Variants in HAUS2 observed in about 807,000 individuals in gnomAD.
HAUS2 encodes HAUS augmin like complex subunit 2, also known as HAUS augmin-like complex subunit 2.
Under a neutral mutation model 21.6 loss-of-function variants are expected in HAUS2, and 20 were observed. The observed-to-expected ratio is 0.93, with a 90% CI of 0.65 to 1.35. HAUS2 has a LOEUF of 1.35. Ranked by LOEUF, HAUS2 falls within the 40% of genes most tolerant of loss-of-function variation. HAUS2 has a pLI of 0.00. For synonymous variants in HAUS2, 113 were observed against 95.6 expected, an observed-to-expected ratio of 1.18 and a Z score of -1.06; for missense variants, 297 against 280.7, an observed-to-expected ratio of 1.06 and a Z score of -0.42.
intron 1 of HAUS2, among the ~76,000 whole-genome samples, chr15:42,557,660 AG>A (rs1382317446): frequency 6.6e-6 from 1 of 151,586 alleles, no homozygotes; most frequent in Non-Finnish European, 1.5e-5. Context: ...ATGAAAAAGA[AG>A]GGGTAACCTT....
intron 1 of HAUS2, among the ~76,000 whole-genome samples, chr15:42,550,099 G>A (rs1180907588): frequency 6.6e-6 from 1 of 152,052 alleles, no homozygotes; most frequent in African/African-American, 2.4e-5. Flanking sequence ...AAACTGATCT[G>A]TAAAAATCAG....
chr15:42,555,221 C>T (rs563466164), intron 1 of HAUS2, among the ~76,000 whole-genome samples: 1 of 151,494 alleles, frequency 6.6e-6, no homozygotes, highest in Admixed American at 6.6e-5. Context: ...CTCCTGACCT[C>T]GTGATCTGCC....
rs766499118 is a variant in HAUS2 at position 42,567,302 on chromosome 15, G to C, written c.*486G>C. 6.2e-6 allele frequency: 1 copy of C among 160,330 alleles called. No homozygotes were observed. The highest frequency in any genetic ancestry group is 2.4e-5 in the African/African-American group (1 of 41,474). 9.9% of individuals were successfully genotyped at this position (160,330 alleles called of 1,614,324 possible). ...TGTAGTCCCAGCTATTCGGGAGGCT[G>C]AGGTAAGAGGATCACCTAAGCCTGT... On this transcript the variant is annotated 3_prime_UTR_variant, in exon 6 of 6. Coordinates refer to ENST00000260372, the MANE Select transcript of HAUS2 (RefSeq NM_018097.3).
chr15:42,553,050 G>C (rs1455436708), intron 1 of HAUS2, among the ~76,000 whole-genome samples: 1 of 148,464 alleles, frequency 6.7e-6, no homozygotes, highest in African/African-American at 2.5e-5. Context: ...GCAATGGCAC[G>C]ATCTCAGCTC....
chr15:42,560,922 G>T, intron 3 of HAUS2: 1 of 678,580 alleles, frequency 1.5e-6, no homozygotes, highest in South Asian at 1.6e-5. Flanking sequence ...GTCTTTTATA[G>T]ACTATTAGAG....
chr15:42,558,453 G>C (rs2057811720), intron 2 of HAUS2, among the ~76,000 whole-genome samples, 163 bp downstream of exon 2: 1 of 150,790 alleles, frequency 6.6e-6, no homozygotes, highest in Non-Finnish European at 1.5e-5. Flanking sequence ...TCAGCCTCAT[G>C]AGTAGGTGGG....
chr15:42,559,539 C>A lies in HAUS2; in HGVS notation c.256+131C>A, dbSNP rs1177880868. ...GGTGTTGTCCCAAAGCTAATGAAATCTTGTATTTCTATGCTGAAATAGAAG... is the reference window on the plus strand; with the variant it reads ...GGTGTTGTCCCAAAGCTAATGAAATATTGTATTTCTATGCTGAAATAGAAG... On this transcript the variant is annotated intron_variant, in intron 3 of 5. Coordinates refer to ENST00000260372, the MANE Select transcript of HAUS2 (RefSeq NM_018097.3). 27 of 627,664 alleles carry A rather than the reference C, an allele frequency of 4.3e-5. No individual in the cohort carries two copies. In the South Asian group the frequency reaches 4.9e-4, roughly 11 times the overall value. The allele number at this position is 627,664 out of a possible 1,614,324, so 38.9% of individuals were successfully genotyped here. A position where few individuals can be genotyped will look rare whatever the true frequency, so the allele number is the denominator to read the frequency against.
At chr15:42,554,283 C>T (rs1269284050) in intron 1 of HAUS2, among the ~76,000 whole-genome samples, 1 of 151,750 alleles carries the variant, frequency 6.6e-6, no homozygotes, top group Non-Finnish European at 1.5e-5. Context: ...CAGGGTTTTC[C>T]TTCTTTTTTT....
chr15:42,563,410 C>CAAA (rs745358598), intron 4 of HAUS2, among the ~76,000 whole-genome samples: 3 of 59,320 alleles, frequency 5.1e-5, no homozygotes, highest in Non-Finnish European at 1.0e-4. Context: ...GACTCCATCT[C>CAAA]AAAAAAAAAA....
At chr15:42,554,034 T>C (rs2141592667) in intron 1 of HAUS2, among the ~76,000 whole-genome samples, 1 of 152,346 alleles carries the variant, frequency 6.6e-6, no homozygotes. Context: ...CTCTGTCCAC[T>C]CACCTGAAGC....
rs2057919068 is a variant in HAUS2 at position 42,567,599 on chromosome 15, G to A, written c.*783G>A. On this transcript the variant is annotated 3_prime_UTR_variant, in exon 6 of 6. Transcript: ENST00000260372. Reference sequence around the variant, plus strand: ...CACACCTGTAATCCCAACACTTTGGGAGGCCGACCCAGATGGGTGGATCAC... The same window carrying A: ...CACACCTGTAATCCCAACACTTTGGAAGGCCGACCCAGATGGGTGGATCAC... 4 of 152,350 alleles carry A rather than the reference G, an allele frequency of 2.6e-5. No homozygotes were observed. In the South Asian group the frequency reaches 8.3e-4, roughly 32 times the overall value. 9.4% of individuals were successfully genotyped at this position (152,350 alleles called of 1,614,324 possible).
intron 5 of HAUS2, among the ~76,000 whole-genome samples, chr15:42,565,779 T>C (rs2057899522): frequency 6.6e-6 from 1 of 152,200 alleles, no homozygotes; most frequent in African/African-American, 2.4e-5. Context: ...ATACAGAAGA[T>C]AATTTTTTTA....
At chr15:42,553,326 G>C (rs541612000) in intron 1 of HAUS2, among the ~76,000 whole-genome samples, 1 of 152,186 alleles carries the variant, frequency 6.6e-6, no homozygotes, top group Admixed American at 6.6e-5. Context: ...CCTAGCCACG[G>C]AATAAACAGA....
intron 4 of HAUS2, among the ~76,000 whole-genome samples, chr15:42,563,361 G>A (rs1413478568): frequency 2.0e-5 from 3 of 146,432 alleles, no homozygotes; most frequent in East Asian, 2.0e-4. Context: ...TCAGTGAGCC[G>A]AGATTGCACC....
At chr15:42,551,794 G>C (rs1407715871) in intron 1 of HAUS2, among the ~76,000 whole-genome samples, 1 of 152,022 alleles carries the variant, frequency 6.6e-6, no homozygotes, top group Non-Finnish European at 1.5e-5. Flanking sequence ...GGTTGTCTTG[G>C]GGGTGTCTAC....
In HAUS2 at chr15:42,569,139, C is replaced by T. The variant is rs1490439642; in HGVS notation, c.*2323C>T. The T allele has an allele frequency of 6.6e-6, 1 of 152,098 alleles. No homozygotes were observed. The highest frequency in any genetic ancestry group is 1.5e-5 in the Non-Finnish European group (1 of 68,036). 9.4% of individuals were successfully genotyped at this position (152,098 alleles called of 1,614,324 possible). On this transcript the variant is annotated 3_prime_UTR_variant, in exon 6 of 6. Transcript: ENST00000260372. ...ATTTTACCTATCAGAGGTTATTGTG[C>T]ATATAATAGAGAGTGATATACTAAC...
In HAUS2 at chr15:42,561,322, G is replaced by A. The variant is rs1338322369; in HGVS notation, c.309G>A (p.Leu103=). 3 of 1,567,812 alleles carry A rather than the reference G, an allele frequency of 1.9e-6. No individual in the cohort carries two copies. The highest frequency in any genetic ancestry group is 1.8e-6 in the Non-Finnish European group (2 of 1,137,882). ...TGAATAATCATTTGGAAGCAGTGCT[G>A]AAAGAGAAGAGATCCCTTAGGCAAA... The part of the protein sequence containing the change: ...QSMNNHLEAV[L]KEKRSLRQRL... The change falls in exon 4 of 6, where the codon CTG becomes CTA. Residue 103 remains leucine, a synonymous_variant. Coordinates refer to ENST00000260372, the MANE Select transcript of HAUS2 (RefSeq NM_018097.3).
At chr15:42,557,174 G>C (rs1044740699) in intron 1 of HAUS2, among the ~76,000 whole-genome samples, 1 of 145,870 alleles carries the variant, frequency 6.9e-6, no homozygotes, top group Non-Finnish European at 1.5e-5. Flanking sequence ...AAATTAGCCG[G>C]GCATGGTGGT....
At chr15:42,550,407 C>CT (rs969126108) in intron 1 of HAUS2, among the ~76,000 whole-genome samples, 1 of 151,608 alleles carries the variant, frequency 6.6e-6, no homozygotes, top group Non-Finnish European at 1.5e-5. Flanking sequence ...ATTTAAGAAA[C>CT]TAAGGCTTAG....
Sources: allele counts gnomAD v4.1 joint callset (sites outside exome capture counted in the v4.1 genomes callset), GRCh38; gene constraint gnomAD v4.1.1; transcripts MANE v1.5; gene names NCBI Gene and HGNC (gene_info 2026-07-23, HGNC 2026-07-21).